The following F8 variants were observed in gnomAD, a reference collection of about 807,000 sequenced individuals.
F8 encodes the protein coagulation factor VIII, also known as antihemophilic factor.
In F8, 12 loss-of-function variants were observed where a neutral mutation model predicts 140.6. The observed-to-expected ratio is 0.09, with a 90% confidence interval of 0.05 to 0.14. The LOEUF (loss-of-function observed/expected upper bound fraction) is 0.14, where lower values mean the gene tolerates loss of function less well. Ranked by LOEUF, F8 falls within the 10% of genes least tolerant of loss-of-function variation. The pLI is 1.00. For missense variants in F8, 1,354 were observed against 1,720.7 expected, an observed-to-expected ratio of 0.79 and a Z score of 3.77; for synonymous variants, 585 against 614.6, an observed-to-expected ratio of 0.95 and a Z score of 0.71.
intron 14 of F8, among the ~76,000 whole-genome samples, chrX:154,928,033 C>T (rs1569559663): frequency 1.8e-5 from 2 of 112,138 alleles, no homozygotes; most frequent in Non-Finnish European, 3.8e-5. Flanking sequence ...GTCTCTTGCT[C>T]TTTCCAATAG....
intron 14 of F8, among the ~76,000 whole-genome samples, chrX:154,910,725 C>T (rs1311422368): frequency 9.0e-6 from 1 of 111,409 alleles, no homozygotes; most frequent in Non-Finnish European, 1.9e-5. Context: ...AAGGGAAAGA[C>T]CTGACCGTCC....
Position 154,837,674 on chromosome X carries a change from T to A in F8, c.6979A>T (p.Ile2327Phe). Reference sequence around the variant, plus strand: ...TGGTGCACCCAACTCTGGGGGTGAATTCGAAGGTAGCGAGTCAGTAACGGT... The same window carrying A: ...TGGTGCACCCAACTCTGGGGGTGAAATCGAAGGTAGCGAGTCAGTAACGGT... ...DPPLLTRYLR[I>F]HPQSWVHQIA... is the part of the protein sequence containing the mutation. Residue 2327 changes from isoleucine to phenylalanine, a missense_variant, in exon 26 of 26, where the codon ATT (isoleucine) becomes TTT (phenylalanine). Physicochemically the swap from Ile to Phe is conservative, Grantham distance 21. Transcript: ENST00000360256. 8.3e-7 allele frequency: 1 copy of A among 1,211,050 alleles called. No homozygotes were observed.
intron 12 of F8, 140 bp downstream of exon 12, chrX:154,953,752 A>G (rs2073349106): frequency 1.3e-6 from 1 of 771,116 alleles, no homozygotes; most frequent in South Asian, 2.2e-5. Flanking sequence ...CGTGTGTTTG[A>G]GTAAAAATTA....
At chrX:154,866,166 A>G (rs964223855) in intron 22 of F8, among the ~76,000 whole-genome samples, 2 of 112,166 alleles carry the variant, frequency 1.8e-5, no homozygotes, top group Non-Finnish European at 3.8e-5. Flanking sequence ...AGGTCATTAT[A>G]TAATAAAAGG....
intron 22 of F8, among the ~76,000 whole-genome samples, chrX:154,872,204 T>C (rs2072779171): frequency 8.9e-6 from 1 of 111,895 alleles, no homozygotes; most frequent in South Asian, 3.7e-4. Flanking sequence ...ACTGGGCATA[T>C]ACCCAAAGGA....
intron 14 of F8, among the ~76,000 whole-genome samples, chrX:154,915,086 T>A (rs1357009653): frequency 1.8e-5 from 2 of 111,800 alleles, no homozygotes; most frequent in Non-Finnish European, 3.8e-5. Flanking sequence ...AGGCATCTTC[T>A]TCACAAGGTG....
chrX:154,928,669 G>T lies in F8; in HGVS notation c.5121C>A (p.Pro1707=). ...GTCGTGTTTTCTTTTGAAAGCTGCG[G>T]GGGCTCTGATTTTCATCCTCATCAT... The part of the protein sequence containing the change: ...DIYDEDENQS[P]RSFQKKTRHY... Residue 1707 remains proline (P), a synonymous_variant, in exon 14 of 26, where the codon CCC becomes CCA. Transcript: ENST00000360256. 1 of 1,210,045 alleles carries T rather than the reference G, an allele frequency of 8.3e-7. No homozygotes were observed. The highest frequency in any genetic ancestry group is 1.1e-6 in the Non-Finnish European group (1 of 894,892).
intron 6 of F8, among the ~76,000 whole-genome samples, chrX:154,970,530 T>A (rs1210573788): frequency 8.9e-6 from 1 of 111,843 alleles, no homozygotes; most frequent in Non-Finnish European, 1.9e-5. Context: ...TCTAAGACTT[T>A]TACCCACAAA....
intron 6 of F8, among the ~76,000 whole-genome samples, chrX:154,971,278 C>T (rs2073455192): frequency 8.9e-6 from 1 of 111,782 alleles, no homozygotes; most frequent in Non-Finnish European, 1.9e-5. Flanking sequence ...TGTATGCGTC[C>T]TGTTCCTCTC....
intron 6 of F8, among the ~76,000 whole-genome samples, chrX:154,982,466 T>A (rs1202476273): frequency 0.015 from 1,408 of 96,422 alleles, 22 homozygotes; most frequent in Non-Finnish European, 0.021. Context: ...AAAAAAAAAA[T>A]ATATATATAT....
Position 154,931,547 on chromosome X carries a change from T to C in F8, c.2243A>G (p.Tyr748Cys), listed in dbSNP as rs1160871723. The C allele has an allele frequency of 8.3e-7, 1 of 1,206,797 alleles. No individual in the cohort carries two copies. The highest frequency in any genetic ancestry group is 1.1e-6 in the Non-Finnish European group (1 of 892,141). ...YEDSYEDISA[Y>C]LLSKNNAIEP... ...AATGGCATTGTTTTTACTCAGCAAG[T>C]ATGCTGAAATATCTTCATAACTGTC... The change falls in exon 14 of 26, where the codon TAC becomes TGC. Residue 748 changes from tyrosine (Y) to cysteine (C), a missense_variant. Physicochemically the swap from Tyr to Cys is radical, Grantham distance 194. Transcript: ENST00000360256.
At chrX:154,953,446 T>G (rs782126221) in intron 12 of F8, among the ~76,000 whole-genome samples, 10 of 111,866 alleles carry the variant, frequency 8.9e-5, no homozygotes, top group Non-Finnish European at 1.7e-4. Context: ...GTTGCCCACA[T>G]CCTGATCTCA....
chrX:154,937,493 G>C (rs782230420), intron 13 of F8, among the ~76,000 whole-genome samples: 20 of 109,420 alleles, frequency 1.8e-4, no homozygotes, highest in African/African-American at 6.6e-4. Context: ...GGGTGCAGGC[G>C]ATAAACTTAA....
intron 10 of F8, among the ~76,000 whole-genome samples, chrX:154,959,655 T>C (rs1035851583): frequency 9.0e-6 from 1 of 111,512 alleles, no homozygotes; most frequent in Non-Finnish European, 1.9e-5. Context: ...TTTGCATCCA[T>C]TAACCAACGT....
intron 4 of F8, among the ~76,000 whole-genome samples, chrX:154,990,301 C>A (rs782222271): frequency 1.8e-5 from 2 of 111,462 alleles, no homozygotes; most frequent in African/African-American, 3.3e-5. Context: ...TTTTGATATA[C>A]CATTGTAATT....
At chrX:154,959,377 C>A (rs1182317110) in intron 10 of F8, among the ~76,000 whole-genome samples, 1 of 108,879 alleles carries the variant, frequency 9.2e-6, no homozygotes, top group African/African-American at 3.4e-5. Context: ...CAGAGCGAGA[C>A]GCTGTCTCAA....
chrX:154,972,707 CTTTTTTTTTTTTT>C (rs1184930129), intron 6 of F8, among the ~76,000 whole-genome samples: 5 of 55,268 alleles, frequency 9.0e-5, no homozygotes, highest in Non-Finnish European at 1.7e-4. Context: ...TTCTGTCTTT[CTTTTTTTTTTTTT>C]TTTTTTTTTT....
intron 5 of F8, among the ~76,000 whole-genome samples, chrX:154,985,373 T>C (rs1399584734): frequency 9.0e-6 from 1 of 110,662 alleles, no homozygotes; most frequent in Non-Finnish European, 1.9e-5. Context: ...GAGGTGGACG[T>C]TGCAGTGAGC....
At chrX:154,841,208 C>CTTTTTTTTTTTTTT (rs1168917544) in intron 25 of F8, among the ~76,000 whole-genome samples, 2 of 48,689 alleles carry the variant, frequency 4.1e-5, no homozygotes, top group African/African-American at 7.7e-5. Flanking sequence ...TTGCTTTCTT[C>CTTTTTTTTTTTTTT]TTTTTTTTTT....
Sources: gnomAD v4.1 joint callset for allele counts (sites outside exome capture counted in the v4.1 genomes callset) on GRCh38, gnomAD v4.1.1 for gene constraint, MANE v1.5 for transcripts, NCBI Gene and HGNC (gene_info 2026-07-23, HGNC 2026-07-21) for gene names.